CPNE8: variants seen among roughly 807,000 people sequenced by gnomAD.
CPNE8 encodes copine-8.
In CPNE8, 45 loss-of-function variants were observed where a neutral mutation model predicts 81.5. The observed-to-expected ratio is 0.55, with a 90% CI of 0.44 to 0.71. The LOEUF is 0.71. Among genes scored for constraint, CPNE8 ranks in the 30% least tolerant of loss-of-function variants. The probability of loss-of-function intolerance (pLI) is 0.00; values close to 1 mark genes in which losing one functional copy is unlikely to be tolerated. For synonymous variants in CPNE8, 252 were observed against 226.3 expected (o/e 1.11, Z -1.02); for missense variants, 594 against 672.1 (o/e 0.88, Z 1.28).
At chr12:38,904,695 C>G (rs1008950002) in intron 1 of CPNE8, among the ~76,000 whole-genome samples, 1 of 152,090 alleles carries the variant, frequency 6.6e-6, no homozygotes, top group Non-Finnish European at 1.5e-5. Context: ...TCTCGAACTC[C>G]TGACCTCGTG....
intron 13 of CPNE8, among the ~76,000 whole-genome samples, chr12:38,707,633 A>C (rs1046036997): frequency 6.6e-6 from 1 of 152,226 alleles, no homozygotes; most frequent in African/African-American, 2.4e-5. Context: ...ACACTCAATG[A>C]GTAAAGCAGA....
In CPNE8 at chr12:38,723,829, G is replaced by A. The variant is rs767030050; in HGVS notation, c.857C>T (p.Thr286Ile). Residue 286 changes from threonine to isoleucine, a missense_variant, in exon 13 of 20, where the codon ACT (threonine) becomes ATT (isoleucine). By Grantham distance (89) the Thr-to-Ile change is moderately conservative. Transcript: ENST00000331366. ...TGTTTCTACCAAGAAAGAGAGTAAA[G>A]TTACCTGAAAAAGAAAAAGACAGAA... ...KKKYTNSGTV[T>I]LLSFLVETEV... 1.1e-5 allele frequency: 18 copies of A among 1,570,832 alleles called. No individual in the cohort carries two copies. Among genetic ancestry groups the A allele is most frequent in the Non-Finnish European group, 1.6e-5 (18 of 1,143,288 alleles).
chr12:38,829,396 G>A lies in CPNE8; in HGVS notation c.390C>T (p.Arg130=). The A allele has an allele frequency of 6.2e-7, 1 of 1,611,720 alleles. No homozygotes were observed. The highest frequency in any genetic ancestry group is 8.5e-7 in the Non-Finnish European group (1 of 1,177,950). ...ATACTTACACTATTGGTTTTTCCAGGCGACTTCCCTGTGAACCAACGATCT... is the reference window on the plus strand; with the variant it reads ...ATACTTACACTATTGGTTTTTCCAGACGACTTCCCTGTGAACCAACGATCT... ...LGEIVGSQGS[R]LEKPIVGIPG... The change falls in exon 6 of 20, where the codon CGC becomes CGT. Residue 130 remains arginine, a synonymous_variant. Coordinates refer to ENST00000331366, the MANE Select transcript of CPNE8 (RefSeq NM_153634.3).
intron 4 of CPNE8, 54 bp from the exon 5 acceptor site, chr12:38,840,009 A>G: frequency 6.7e-7 from 1 of 1,483,626 alleles, no homozygotes; most frequent in Non-Finnish European, 9.1e-7. Context: ...CAGCTAGAAA[A>G]AAAACCAGTA....
rs1222501177 is a variant in CPNE8, at chr12:38,730,475, A to G, written c.723-117T>C. On this transcript the variant is annotated intron_variant, in intron 10 of 19. Transcript: ENST00000331366. ...AAAAATGCTTGATATTATTATGAATATAAATTAATAATTTACAAAATATTT... is the reference window on the plus strand; with the variant it reads ...AAAAATGCTTGATATTATTATGAATGTAAATTAATAATTTACAAAATATTT... The G allele has an allele frequency of 2.8e-5, 14 of 497,840 alleles. No individual in the cohort carries two copies. In the Admixed American group the frequency reaches 5.0e-4, roughly 18 times the overall value. The allele number at this position is 497,840 out of a possible 1,614,324, so 30.8% of individuals were successfully genotyped here. A position where few individuals can be genotyped will look rare whatever the true frequency, so the allele number is the denominator to read the frequency against.
chr12:38,765,944 C>T (rs888208668), intron 8 of CPNE8, among the ~76,000 whole-genome samples: 8 of 151,934 alleles, frequency 5.3e-5, no homozygotes, highest in Non-Finnish European at 1.2e-4. Flanking sequence ...CTGCAACCTC[C>T]GCCTCCCAGG....
At chr12:38,738,957 G>C (rs574801481) in intron 10 of CPNE8, among the ~76,000 whole-genome samples, 1 of 151,796 alleles carries the variant, frequency 6.6e-6, no homozygotes, top group Non-Finnish European at 1.5e-5. Context: ...GGGACCACAA[G>C]TGCATACCAC....
intron 19 of CPNE8, among the ~76,000 whole-genome samples, chr12:38,655,031 G>A (rs1938787063): frequency 6.6e-6 from 1 of 152,066 alleles, no homozygotes; most frequent in Admixed American, 6.6e-5. Flanking sequence ...TACTATTTGG[G>A]AAGACAGGAA....
chr12:38,796,987 C>G (rs1942496351), intron 6 of CPNE8, among the ~76,000 whole-genome samples: 1 of 152,148 alleles, frequency 6.6e-6, no homozygotes, highest in Non-Finnish European at 1.5e-5. Flanking sequence ...GGCAGCAAGG[C>G]TGGGGGACGG....
chr12:38,818,226 T>C (rs1253617771), intron 6 of CPNE8, among the ~76,000 whole-genome samples: 1 of 151,880 alleles, frequency 6.6e-6, no homozygotes, highest in African/African-American at 2.4e-5. Flanking sequence ...CCATCAACCA[T>C]CATCTAGGTT....
rs1001536129 is a variant in CPNE8 at position 38,806,060 on chromosome 12, T to G, written c.407+23319A>C. The stretch of plus-strand genomic sequence containing the variant: ...CTCCCAAGACTAAAGCAGGAAGAAG[T>G]TGAATCTCTGAATAGACCAATAACA... On this transcript the variant is annotated intron_variant, in intron 6 of 19. Coordinates refer to ENST00000331366, the MANE Select transcript of CPNE8 (RefSeq NM_153634.3). Among the ~76,000 whole-genome samples, 2 of 150,252 alleles carry G rather than the reference T, an allele frequency of 1.3e-5. 1 individual carries two copies. Among genetic ancestry groups the G allele is most frequent in the East Asian group, 4.4e-4 (2 of 4,556 alleles).
At chr12:38,905,977 A>G, upstream of CPNE8, 1 of 985,300 alleles carries the variant, frequency 1.0e-6, no homozygotes, top group Non-Finnish European at 1.2e-6. Flanking sequence ...ACCTCTGCAC[A>G]CCCACACTCG....
chr12:38,784,960 T>C (rs1351920903), intron 6 of CPNE8, among the ~76,000 whole-genome samples: 1 of 152,070 alleles, frequency 6.6e-6, no homozygotes, highest in Non-Finnish European at 1.5e-5. Context: ...TTTGGGAGGC[T>C]GAGGTGGGCA....
chr12:38,742,698 AT>A (rs1447855950), intron 10 of CPNE8, among the ~76,000 whole-genome samples: 11 of 137,690 alleles, frequency 8.0e-5, no homozygotes, highest in African/African-American at 2.5e-4. Context: ...AAATAAATAA[AT>A]AAATAAATAA....
rs760054852 is a variant in CPNE8 at position 38,724,847 on chromosome 12, G to C, written c.851C>G (p.Thr284Arg). ...TAAATAACATAAAATTTGACTTACT[G>C]TTCCAGAATTAGTATATTTTTTCTT... Reference protein sequence around the residue: ...GKKKKYTNSGTVTLLSFLVET... With the variant: ...GKKKKYTNSGRVTLLSFLVET... Residue 284 changes from threonine to arginine, a missense_variant and splice_region_variant, in exon 12 of 20, where the codon ACA (threonine) becomes AGA (arginine). Transcript: ENST00000331366. 2.7e-6 allele frequency: 4 copies of C among 1,461,994 alleles called. No homozygotes were observed. The highest frequency in any genetic ancestry group is 1.4e-5 in the African/African-American group (1 of 71,628). 90.6% of individuals were successfully genotyped at this position (1,461,994 alleles called of 1,614,324 possible).
chr12:38,758,959 C>T (rs999059930), intron 10 of CPNE8, among the ~76,000 whole-genome samples: 7 of 152,056 alleles, frequency 4.6e-5, no homozygotes, highest in African/African-American at 1.2e-4. Flanking sequence ...TGGATGAAAC[C>T]TAAATTTATA....
intron 3 of CPNE8, among the ~76,000 whole-genome samples, chr12:38,867,711 C>A (rs574918998): frequency 6.6e-6 from 1 of 152,246 alleles, no homozygotes; most frequent in South Asian, 2.1e-4. Context: ...AGTAAAGTGG[C>A]CATTCTTAGA....
chr12:38,879,328 T>C (rs550309555), intron 1 of CPNE8, among the ~76,000 whole-genome samples: 71 of 152,236 alleles, frequency 4.7e-4, no homozygotes, highest in Admixed American at 9.8e-4. Context: ...CCTTTTTTTT[T>C]TCCTTTTTGC....
At chr12:38,658,216 G>A (rs1016405197) in intron 19 of CPNE8, among the ~76,000 whole-genome samples, 10 of 152,096 alleles carry the variant, frequency 6.6e-5, no homozygotes, top group Admixed American at 4.6e-4. Context: ...TGACCTGATG[G>A]AGCTGAAAAC....
Sources: allele counts gnomAD v4.1 joint callset (sites outside exome capture counted in the v4.1 genomes callset), GRCh38; gene constraint gnomAD v4.1.1; transcripts MANE v1.5; gene names NCBI Gene and HGNC (gene_info 2026-07-23, HGNC 2026-07-21).